Variants in DENND11 observed in about 807,000 individuals in gnomAD.
DENND11 encodes the protein DENN domain containing 11, also known as DENN domain-containing protein 11.
DENND11 carries 34 observed loss-of-function variants against 49.2 expected under a neutral mutation model. The ratio of observed to expected loss-of-function variants is 0.69; its 90% CI spans 0.53 to 0.92. DENND11 has a LOEUF of 0.92. DENND11 is among the 40% of genes least tolerant of loss of function. The pLI, the probability that DENND11 is intolerant of heterozygous loss-of-function variation, is 0.00. For missense variants in DENND11, 475 were observed against 581.6 expected (o/e 0.82, Z 1.88); for synonymous variants, 238 against 230.3 (o/e 1.03, Z -0.30).
At chr7:141,663,084 C>A (rs867506255) in intron 8 of DENND11, 57 of 399,002 alleles carry the variant, frequency 1.4e-4, no homozygotes, top group African/African-American at 7.8e-4. Flanking sequence ...AATCTCTAAG[C>A]AAGATGGCCT....
intron 1 of DENND11, among the ~76,000 whole-genome samples, chr7:141,694,180 A>G (rs1798372924): frequency 6.6e-6 from 1 of 152,224 alleles, no homozygotes; most frequent in Admixed American, 6.5e-5. Context: ...TAATTGATGA[A>G]TTAACCTAAA....
chr7:141,671,635 TTC>T (rs1797981825), intron 4 of DENND11, among the ~76,000 whole-genome samples: 1 of 152,258 alleles, frequency 6.6e-6, no homozygotes, highest in African/African-American at 2.4e-5. Context: ...ATTTTCTTTT[TTC>T]TCTCTTAGTC....
intron 1 of DENND11, among the ~76,000 whole-genome samples, chr7:141,700,648 C>A (rs887792514): frequency 6.6e-6 from 1 of 151,838 alleles, no homozygotes; most frequent in Non-Finnish European, 1.5e-5. Context: ...GTTTGAAAGC[C>A]ATGGAATGTG....
In DENND11 at chr7:141,658,498, T is replaced by C. The variant is rs1797734116; in HGVS notation, c.*4158A>G. The C allele has an allele frequency of 6.6e-6, 1 of 152,266 alleles. No individual in the cohort carries two copies. Among genetic ancestry groups the C allele is most frequent in the Non-Finnish European group, 1.5e-5 (1 of 68,072 alleles). The allele number at this position is 152,266 out of a possible 1,614,324, so 9.4% of individuals were successfully genotyped here. A position where few individuals can be genotyped will look rare whatever the true frequency, so the allele number is the denominator to read the frequency against. On this transcript the variant is annotated 3_prime_UTR_variant, in exon 9 of 9. Coordinates refer to ENST00000536163, the MANE Select transcript of DENND11 (RefSeq NM_001080392.2). ...GGAGAAGACAGGAGGGCTGGCCATT[T>C]GGCAGAATCCAAGCCTACTAGCTTG...
rs1798253164 is a variant in DENND11 at position 141,686,959 on chromosome 7, C to T, written c.269-301G>A. 4.0e-5 allele frequency among the ~76,000 whole-genome samples: 6 copies of T among 149,794 alleles called. No homozygotes were observed. The South Asian group carries it at 1.3e-3, about 32-fold the overall frequency. ...CCACTTCCAAATCTGCTTTTTGTAG[C>T]CTCACTTCTCTGCATGTTTTTTTAA... On this transcript the variant is annotated intron_variant, in intron 1 of 8. Coordinates refer to ENST00000536163, the MANE Select transcript of DENND11 (RefSeq NM_001080392.2).
rs527240284 is a variant in DENND11, at chr7:141,692,399, C to G, written c.269-5741G>C. ...ACTTCGAGACTTATATAAAATTAAT[C>G]AAGAGAGTAGGTATTGGTGAAATAT... is the stretch of plus-strand genomic sequence containing the variant. On this transcript the variant is annotated intron_variant, in intron 1 of 8. Transcript: ENST00000536163. Among the ~76,000 whole-genome samples, 98 of 152,226 alleles carry G rather than the reference C, an allele frequency of 6.4e-4. 1 individual carries two copies. The highest frequency in any genetic ancestry group is 2.3e-3 in the African/African-American group (95 of 41,502).
Position 141,685,473 on chromosome 7 carries a change from C to T in DENND11, c.527+5G>A, listed in dbSNP as rs746151399. 2.5e-6 allele frequency: 4 copies of T among 1,613,628 alleles called. No homozygotes were observed. The highest frequency in any genetic ancestry group is 1.1e-5 in the South Asian group (1 of 91,066). Reference sequence around the variant, plus strand: ...CCTCCCTGCACATGTACGGAAGCCACGTACCGAACCTGGTTCTCCAAGAAG... The same window carrying T: ...CCTCCCTGCACATGTACGGAAGCCATGTACCGAACCTGGTTCTCCAAGAAG... On this transcript the variant is annotated splice_donor_5th_base_variant and intron_variant, in intron 3 of 8. Transcript: ENST00000536163.
intron 1 of DENND11, among the ~76,000 whole-genome samples, chr7:141,698,097 T>C (rs1314153577): frequency 6.6e-6 from 1 of 152,176 alleles, no homozygotes; most frequent in Non-Finnish European, 1.5e-5. Context: ...GTGAATCTCT[T>C]ATAAAGAAAC....
chr7:141,664,210 T>C lies in DENND11; in HGVS notation c.1134A>G (p.Glu378=). 2 of 1,585,152 alleles carry C rather than the reference T, an allele frequency of 1.3e-6. No homozygotes were observed. Among genetic ancestry groups the C allele is most frequent in the Non-Finnish European group, 1.7e-6 (2 of 1,164,052 alleles). ...RQMLLYSQEV[E]EDYNPCEEDL... is the part of the protein sequence containing the mutation. ...CCTCTTCACAAGGGTTGTAGTCTTC[T>C]TCTACTTCCTGGGAGTACAACAGCA... The change falls in exon 8 of 9, where the codon GAA becomes GAG. Residue 378 remains glutamate, a synonymous_variant. Transcript: ENST00000536163.
At chr7:141,700,398 AG>A (rs1244628163) in intron 1 of DENND11, among the ~76,000 whole-genome samples, 1 of 151,906 alleles carries the variant, frequency 6.6e-6, no homozygotes, top group Non-Finnish European at 1.5e-5. Context: ...CGAGTCAACC[AG>A]CATGTGTGAT....
intron 4 of DENND11, among the ~76,000 whole-genome samples, chr7:141,671,903 T>G (rs1797987605): frequency 6.6e-6 from 1 of 152,214 alleles, no homozygotes; most frequent in Non-Finnish European, 1.5e-5. Flanking sequence ...CAAATGACAA[T>G]TCCTAAACTC....
Position 141,660,101 on chromosome 7 carries a change from A to G in DENND11, c.*2555T>C, listed in dbSNP as rs1797766518. 1 of 152,192 alleles carries G rather than the reference A, an allele frequency of 6.6e-6. No homozygotes were observed. The highest frequency in any genetic ancestry group is 2.1e-4 in the South Asian group (1 of 4,828). 9.4% of individuals were successfully genotyped at this position (152,192 alleles called of 1,614,324 possible). ...TTTCCGAAGCCACAGGCTCCACTTC[A>G]TAGCCCAGGCAAGACATACTCTGAG... On this transcript the variant is annotated 3_prime_UTR_variant, in exon 9 of 9. Transcript: ENST00000536163.
At position 141,666,348 on chromosome 7, in the gene DENND11, G is replaced by A. The variant is rs1426804952; in HGVS notation, c.759C>T (p.Ala253=). The change falls in exon 5 of 9, where the codon GCC becomes GCT. Residue 253 remains alanine (A), a synonymous_variant. Transcript: ENST00000536163. The part of the protein sequence containing the change: ...GEQILILWKF[A]LLRKRILIFS... The stretch of plus-strand genomic sequence containing the variant: ...ATATCAAAATGCGCTTTCGAAGTAA[G>A]GCAAATTTCCAGAGGATGAGGATCT... 1.9e-6 allele frequency: 3 copies of A among 1,613,304 alleles called. No homozygotes were observed. Among genetic ancestry groups the A allele is most frequent in the Non-Finnish European group, 2.5e-6 (3 of 1,179,474 alleles).
intron 4 of DENND11, among the ~76,000 whole-genome samples, chr7:141,671,619 T>C (rs995456856): frequency 6.6e-6 from 1 of 152,240 alleles, no homozygotes; most frequent in African/African-American, 2.4e-5. Flanking sequence ...CTCAAAAGCA[T>C]GGGCCATTTT....
At chr7:141,678,710 C>T (rs1798104868) in intron 3 of DENND11, among the ~76,000 whole-genome samples, 1 of 152,134 alleles carries the variant, frequency 6.6e-6, no homozygotes, top group South Asian at 2.1e-4. Context: ...AATAACGTAA[C>T]ACATAATCAC....
intron 1 of DENND11, among the ~76,000 whole-genome samples, chr7:141,690,849 C>T (rs1368303343): frequency 6.6e-6 from 1 of 152,198 alleles, no homozygotes; most frequent in Non-Finnish European, 1.5e-5. Context: ...TAATATGCCA[C>T]TCTGCATCGT....
Position 141,661,523 on chromosome 7 carries a change from C to T in DENND11, c.*1133G>A, listed in dbSNP as rs757199938. On this transcript the variant is annotated 3_prime_UTR_variant, in exon 9 of 9. Transcript: ENST00000536163. ...TTTCTCTCAACAAATCTGTTATGTCCCTGGATCCAATTATTTAGCCTAAGG... is the reference window on the plus strand; with the variant it reads ...TTTCTCTCAACAAATCTGTTATGTCTCTGGATCCAATTATTTAGCCTAAGG... The T allele has an allele frequency of 1.3e-5, 2 of 152,190 alleles. No homozygotes were observed. The highest frequency in any genetic ancestry group is 2.9e-5 in the Non-Finnish European group (2 of 68,054). The allele number at this position is 152,190 out of a possible 1,614,324, so 9.4% of individuals were successfully genotyped here. A position where few individuals can be genotyped will look rare whatever the true frequency, so the allele number is the denominator to read the frequency against.
intron 3 of DENND11, among the ~76,000 whole-genome samples, chr7:141,680,550 C>T (rs1275767040): frequency 6.6e-6 from 1 of 151,912 alleles, no homozygotes; most frequent in Non-Finnish European, 1.5e-5. Flanking sequence ...CTAAAGGCCA[C>T]ATTTCCCAGA....
intron 1 of DENND11, chr7:141,701,444 A>AGCGGGGAGCGGGGGACGGGG (rs1798514517): frequency 4.4e-5 from 1 of 22,804 alleles, no homozygotes; most frequent in Admixed American, 4.5e-4. Flanking sequence ...GGGGGACGGG[A>AGCGGGGAGCGGGGGACGGGG]TGGGGGGCGA....
Sources: gnomAD v4.1 joint callset for allele counts (sites outside exome capture counted in the v4.1 genomes callset) on GRCh38, gnomAD v4.1.1 for gene constraint, MANE v1.5 for transcripts, NCBI Gene and HGNC (gene_info 2026-07-23, HGNC 2026-07-21) for gene names.